EYA2: variants seen among roughly 807,000 people sequenced by gnomAD.
EYA2 encodes protein phosphatase EYA2.
Under a neutral mutation model 69.2 loss-of-function variants are expected in EYA2, and 31 were observed. The observed-to-expected ratio is 0.45, with a 90% CI of 0.34 to 0.60. The LOEUF (loss-of-function observed/expected upper bound fraction) is 0.60. Ranked by LOEUF, EYA2 falls within the 20% of genes least tolerant of loss-of-function variation. The pLI, the probability that EYA2 is intolerant of heterozygous loss-of-function variation, is 0.02. For synonymous variants in EYA2, 257 were observed against 279.4 expected (o/e 0.92, Z 0.80); for missense variants, 622 against 701.2 (o/e 0.89, Z 1.28).
intron 4 of EYA2, among the ~76,000 whole-genome samples, chr20:47,005,820 C>T (rs1982676485): frequency 6.6e-6 from 1 of 152,212 alleles, no homozygotes; most frequent in Non-Finnish European, 1.5e-5. Context: ...GAACCTGGCT[C>T]ACCATCCATG....
chr20:46,996,564 T>C (rs1024451474), intron 2 of EYA2, among the ~76,000 whole-genome samples: 1 of 152,210 alleles, frequency 6.6e-6, no homozygotes, highest in African/African-American at 2.4e-5. Context: ...CACCTCGTTA[T>C]AATTGCAGTT....
rs74178703 is a variant in EYA2 at position 47,130,261 on chromosome 20, C to CTTTTTTTTTTTTTTTTTT, written c.889-12794_889-12777dup. ...AAAGAAATAAAAGAAGGTTTATTTT[C>CTTTTTTTTTTTTTTTTTT]TTTTTTTTTTTTTTTTTTTTTGAGA... On this transcript the variant is annotated intron_variant, in intron 9 of 15. Coordinates refer to ENST00000327619, the MANE Select transcript of EYA2 (RefSeq NM_005244.5). Among the ~76,000 whole-genome samples, 15 of 81,264 alleles carry CTTTTTTTTTTTTTTTTTT rather than the reference C, an allele frequency of 1.8e-4. 3 individuals carry two copies. The highest frequency in any genetic ancestry group is 5.8e-4 in the African/African-American group (10 of 17,378). The allele number at this position is 81,264 out of a possible 152,430, so 53.3% of individuals were successfully genotyped here.
chr20:47,048,563 C>G (rs914505587), intron 5 of EYA2, among the ~76,000 whole-genome samples: 1 of 152,176 alleles, frequency 6.6e-6, no homozygotes, highest in Non-Finnish European at 1.5e-5. Context: ...TGGTGAAACC[C>G]TGTCTCTACT....
chr20:47,104,332 C>T (rs2032513814), intron 9 of EYA2, among the ~76,000 whole-genome samples: 1 of 152,160 alleles, frequency 6.6e-6, no homozygotes, highest in African/African-American at 2.4e-5. Flanking sequence ...GGATACCAGT[C>T]TATTATCAGA....
At chr20:47,157,046 C>T (rs569424338) in intron 10 of EYA2, among the ~76,000 whole-genome samples, 18 of 152,026 alleles carry the variant, frequency 1.2e-4, no homozygotes, top group Admixed American at 4.6e-4. Flanking sequence ...TGATCAGCAA[C>T]GTGCAACAAC....
intron 4 of EYA2, among the ~76,000 whole-genome samples, chr20:47,014,439 A>C (rs1983276919): frequency 1.3e-5 from 2 of 152,264 alleles, no homozygotes; most frequent in Admixed American, 1.3e-4. Context: ...AGAGATAAGC[A>C]ATGTTTGATA....
intron 11 of EYA2, 96 bp downstream of exon 11, chr20:47,169,293 T>C: frequency 8.0e-7 from 1 of 1,257,734 alleles, no homozygotes; most frequent in Non-Finnish European, 1.2e-6. Context: ...GAGGGCTGCT[T>C]ATAAGGACAA....
chr20:46,983,641 C>T (rs1359617232), intron 1 of EYA2, among the ~76,000 whole-genome samples: 1 of 152,192 alleles, frequency 6.6e-6, no homozygotes, highest in Non-Finnish European at 1.5e-5. Context: ...GCAAATGCCT[C>T]AAGGCTAATA....
At chr20:47,180,967 CAG>C in intron 14 of EYA2, 31 bp downstream of exon 14, 1 of 1,608,948 alleles carries the variant, frequency 6.2e-7, no homozygotes, top group Non-Finnish European at 8.5e-7. Flanking sequence ...GGCGGGGATA[CAG>C]GGTTGGAGGG....
intron 1 of EYA2, chr20:46,979,412 G>A (rs1980678713): frequency 6.6e-6 from 1 of 152,248 alleles, no homozygotes; most frequent in Non-Finnish European, 1.5e-5. Context: ...GCTCCTTCAG[G>A]CTGTCTTCTG....
Position 47,159,473 on chromosome 20 carries a change from A to G in EYA2, c.979-9666A>G, listed in dbSNP as rs1221732917. On this transcript the variant is annotated intron_variant, in intron 10 of 15. Transcript: ENST00000327619. ...AGAAGCCTAAGGAGACAGGACAACT[A>G]CGTGTCATGTGATATCCACCTTGGA... Among the ~76,000 whole-genome samples, 3 of 152,042 alleles carry G rather than the reference A, an allele frequency of 2.0e-5. No homozygotes were observed. In the South Asian group the frequency reaches 6.3e-4, roughly 32 times the overall value.
At chr20:46,896,036 A>G (rs1276910839) in intron 1 of EYA2, among the ~76,000 whole-genome samples, 2 of 152,166 alleles carry the variant, frequency 1.3e-5, no homozygotes, top group African/African-American at 4.8e-5. Flanking sequence ...GTAATCTTCA[A>G]TTACTTTTTA....
chr20:47,029,249 G>A (rs1486176302), intron 5 of EYA2, among the ~76,000 whole-genome samples: 1 of 152,226 alleles, frequency 6.6e-6, no homozygotes, highest in Non-Finnish European at 1.5e-5. Flanking sequence ...CACATCAGCT[G>A]GAAGAATAAT....
intron 8 of EYA2, among the ~76,000 whole-genome samples, chr20:47,095,607 C>T (rs1042168324): frequency 6.6e-6 from 1 of 151,752 alleles, no homozygotes; most frequent in African/African-American, 2.4e-5. Flanking sequence ...AAAGGTAAAA[C>T]CTACAAGGAC....
chr20:47,120,794 G>A (rs1410642970), intron 9 of EYA2, among the ~76,000 whole-genome samples: 1 of 144,776 alleles, frequency 6.9e-6, no homozygotes, highest in Admixed American at 7.0e-5. Context: ...ACACGGTCTG[G>A]AGATAGCTAA....
At chr20:47,122,869 A>G (rs2033088789) in intron 9 of EYA2, among the ~76,000 whole-genome samples, 1 of 152,224 alleles carries the variant, frequency 6.6e-6, no homozygotes, top group Admixed American at 6.5e-5. Context: ...CATATGGGCC[A>G]CAGAGCCTAA....
At chr20:46,952,574 C>A (rs1015063006) in intron 1 of EYA2, among the ~76,000 whole-genome samples, 2 of 152,144 alleles carry the variant, frequency 1.3e-5, no homozygotes, top group South Asian at 2.1e-4. Context: ...AGAGCAAGCA[C>A]CCACCGGAAT....
chr20:46,979,299 C>A, intron 1 of EYA2, among the ~76,000 whole-genome samples: 1 of 152,180 alleles, frequency 6.6e-6, no homozygotes, highest in East Asian at 1.9e-4. Context: ...TCCCAGTCCC[C>A]AGGGACAGGG....
At chr20:47,143,840 C>CA (rs941913078) in intron 10 of EYA2, among the ~76,000 whole-genome samples, 1 of 151,836 alleles carries the variant, frequency 6.6e-6, no homozygotes, top group Admixed American at 6.6e-5. Context: ...AGACATTGCA[C>CA]AAAAAAAATC....
Sources: gnomAD v4.1 joint callset for allele counts (sites outside exome capture counted in the v4.1 genomes callset) on GRCh38, gnomAD v4.1.1 for gene constraint, MANE v1.5 for transcripts, NCBI Gene and HGNC (gene_info 2026-07-23, HGNC 2026-07-21) for gene names.